The following SMO variants were observed in gnomAD, a reference collection of about 807,000 sequenced individuals.
SMO encodes smoothened, frizzled class receptor.
SMO carries 40 observed loss-of-function variants against 81.6 expected under a neutral mutation model. That is an observed-to-expected ratio of 0.49 (90% CI 0.38 to 0.64). The LOEUF is 0.64. SMO is among the 30% of genes least tolerant of loss of function. SMO has a pLI of 0.00. For missense variants in SMO, 916 were observed against 1,061.1 expected, an observed-to-expected ratio of 0.86 and a Z score of 1.90; for synonymous variants, 434 against 432.1, an observed-to-expected ratio of 1.00 and a Z score of -0.05.
chr7:129,193,955 C>T (rs1793527464), intron 1 of SMO, among the ~76,000 whole-genome samples: 1 of 148,026 alleles, frequency 6.8e-6, no homozygotes, highest in Non-Finnish European at 1.5e-5. Flanking sequence ...AAAAAATTAG[C>T]CGGGCATGTT....
chr7:129,197,816 T>C (rs1265551115), intron 1 of SMO, among the ~76,000 whole-genome samples: 1 of 152,180 alleles, frequency 6.6e-6, no homozygotes, highest in African/African-American at 2.4e-5. Context: ...GATTGAATTT[T>C]CTAATATTAA....
rs1024081060 is a variant in SMO at position 129,189,319 on chromosome 7, C to T, written c.168C>T (p.Gly56=). The change falls in exon 1 of 12, where the codon GGC becomes GGT. Residue 56 remains glycine, a synonymous_variant. Coordinates refer to ENST00000249373, the MANE Select transcript of SMO (RefSeq NM_005631.5). The surrounding 1 kb of genome is among the most constrained non-coding windows in gnomAD (Gnocchi z 4.7). Reference sequence around the variant, plus strand: ...CGAGGAGGAGCGCGGCGGTGACTGGCCCTCCGCCGCCGCTGAGCCACTGCG... The same window carrying T: ...CGAGGAGGAGCGCGGCGGTGACTGGTCCTCCGCCGCCGCTGAGCCACTGCG... ...GSARRSAAVT[G]PPPPLSHCGR... 4 of 1,499,846 alleles carry T rather than the reference C, an allele frequency of 2.7e-6. No individual in the cohort carries two copies. The highest frequency in any genetic ancestry group is 3.5e-6 in the Non-Finnish European group (4 of 1,132,048). The allele number at this position is 1,499,846 out of a possible 1,614,324, so 92.9% of individuals were successfully genotyped here.
chr7:129,206,320 C>G lies in SMO; in HGVS notation c.1091C>G (p.Thr364Ser), dbSNP rs2150650268. ...AAGACCTCCTACTTCCACCTGCTCA[C>G]CTGGTCACTCCCCTTTGTCCTCACT... ...SGKTSYFHLL[T>S]WSLPFVLTVA... is the part of the protein sequence containing the mutation. Residue 364 changes from threonine to serine, a missense_variant, in exon 5 of 12, where the codon ACC (threonine) becomes AGC (serine). Around this residue, in one of 4 missense-constraint regions of SMO, gnomAD observed 436 missense variants for 570.9 expected, o/e 0.76. Transcript: ENST00000249373. This position sits in a 1 kb window ranked among gnomAD's most constrained non-coding sequence, Gnocchi z 4.4. 6.2e-7 allele frequency: 1 copy of G among 1,614,224 alleles called. No homozygotes were observed. Among genetic ancestry groups the G allele is most frequent in the South Asian group, 1.1e-5 (1 of 91,086 alleles).
intron 6 of SMO, among the ~76,000 whole-genome samples, chr7:129,207,278 C>T (rs953134151): frequency 2.3e-4 from 35 of 152,176 alleles, no homozygotes; most frequent in African/African-American, 8.2e-4. Context: ...TATCTGTGTG[C>T]ACATTAATTC....
chr7:129,207,855 T>G (rs1363489104), intron 6 of SMO, among the ~76,000 whole-genome samples: 1 of 151,256 alleles, frequency 6.6e-6, no homozygotes, highest in African/African-American at 2.4e-5. Flanking sequence ...ATCTTGCCAC[T>G]GCACTCCAGC....
chr7:129,211,300 T>G lies in SMO; in HGVS notation c.1801+187T>G, dbSNP rs895492949. The G allele has an allele frequency of 4.0e-6, 3 of 753,244 alleles. No individual in the cohort carries two copies. The African/African-American group carries it at 5.2e-5, about 13-fold the overall frequency. The allele number at this position is 753,244 out of a possible 1,614,324, so 46.7% of individuals were successfully genotyped here. A position where few individuals can be genotyped will look rare whatever the true frequency, so the allele number is the denominator to read the frequency against. ...CTACCCTCTGGGGGGCTCTCCCCTCTCTGTTTCTGCCCCTGGGTCTGCTTG... is the reference window on the plus strand; with the variant it reads ...CTACCCTCTGGGGGGCTCTCCCCTCGCTGTTTCTGCCCCTGGGTCTGCTTG... On this transcript the variant is annotated intron_variant, in intron 10 of 11. Transcript: ENST00000249373. This position sits in a 1 kb window ranked among gnomAD's most constrained non-coding sequence, Gnocchi z 4.6.
At position 129,189,388 on chromosome 7, in the gene SMO, G is replaced by A. The variant is rs2150638286; in HGVS notation, c.237G>A (p.Leu79=). ...PCEPLRYNVC[L]GSVLPYGATS... The stretch of plus-strand genomic sequence containing the variant: ...AGCCGCTGCGCTACAACGTGTGCCT[G>A]GGCTCGGTGCTGCCCTACGGGGCCA... Residue 79 remains leucine (L), a synonymous_variant, in exon 1 of 12, where the codon CTG becomes CTA. Coordinates refer to ENST00000249373, the MANE Select transcript of SMO (RefSeq NM_005631.5). This position sits in a 1 kb window ranked among gnomAD's most constrained non-coding sequence, Gnocchi z 4.7. 1.3e-6 allele frequency: 2 copies of A among 1,536,110 alleles called. No homozygotes were observed. Among genetic ancestry groups the A allele is most frequent in the Non-Finnish European group, 1.7e-6 (2 of 1,146,236 alleles).
rs2150654489 is a variant in SMO at position 129,210,952 on chromosome 7, CT to C, written c.1653-11del. 1.3e-6 allele frequency: 2 copies of C among 1,596,958 alleles called. No individual in the cohort carries two copies. The highest frequency in any genetic ancestry group is 4.5e-5 in the East Asian group (2 of 44,712). ...GCTTCTTCACGCTCCTTCCCTATCC[CT>C]TCTGCTCTCAGGTTGACTGGGCAGA... On this transcript the variant is annotated splice_polypyrimidine_tract_variant and intron_variant, in intron 9 of 11. Transcript: ENST00000249373. This position sits in a 1 kb window ranked among gnomAD's most constrained non-coding sequence, Gnocchi z 4.7.
At position 129,206,815 on chromosome 7, in the gene SMO, C is replaced by T. The variant is rs528546216; in HGVS notation, c.1264+228C>T. Among the ~76,000 whole-genome samples, 1 of 147,114 alleles carries T rather than the reference C, an allele frequency of 6.8e-6. No individual in the cohort carries two copies. The highest frequency in any genetic ancestry group is 6.9e-5 in the Admixed American group (1 of 14,472). On this transcript the variant is annotated intron_variant, in intron 6 of 11. Coordinates refer to ENST00000249373, the MANE Select transcript of SMO (RefSeq NM_005631.5). This position sits in a 1 kb window ranked among gnomAD's most constrained non-coding sequence, Gnocchi z 4.4. The stretch of plus-strand genomic sequence containing the variant: ...GAAAAATCCATCCCTCTCTCCAGGG[C>T]CTTGGCCCAGGGCTCACAGCTTGTT...
chr7:129,198,496 G>A (rs1793618125), intron 1 of SMO, among the ~76,000 whole-genome samples: 1 of 152,164 alleles, frequency 6.6e-6, no homozygotes, highest in African/African-American at 2.4e-5. Context: ...ACTCAACTGA[G>A]TCCATGTAAC....
At position 129,208,660 on chromosome 7, in the gene SMO, T is replaced by C. The variant is rs182310926; in HGVS notation, c.1265-99T>C. 1 of 719,500 alleles carries C rather than the reference T, an allele frequency of 1.4e-6. No homozygotes were observed. Among genetic ancestry groups the C allele is most frequent in the Admixed American group, 2.1e-5 (1 of 48,308 alleles). 44.6% of individuals were successfully genotyped at this position (719,500 alleles called of 1,614,324 possible). A position where few individuals can be genotyped will look rare whatever the true frequency, so the allele number is the denominator to read the frequency against. On this transcript the variant is annotated intron_variant, in intron 6 of 11. Transcript: ENST00000249373. This position sits in a 1 kb window ranked among gnomAD's most constrained non-coding sequence, Gnocchi z 5.2. ...TCATTTAGCACAGGGGTAATCAGAC[T>C]TGGGACTCCAGAGCCTTAGGACCCT...
Position 129,212,996 on chromosome 7 carries a change from C to T in SMO, c.*545C>T. ...GTTTGTGGGGCTGGAAGGACCTGCT[C>T]CCACAGGGGCCATGTCCTCTCTTAA... On this transcript the variant is annotated 3_prime_UTR_variant, in exon 12 of 12. Coordinates refer to ENST00000249373, the MANE Select transcript of SMO (RefSeq NM_005631.5). This position sits in a 1 kb window ranked among gnomAD's most constrained non-coding sequence, Gnocchi z 5.0. 1 of 265,320 alleles carries T rather than the reference C, an allele frequency of 3.8e-6. No individual in the cohort carries two copies. Among genetic ancestry groups the T allele is most frequent in the Non-Finnish European group, 7.2e-6 (1 of 139,202 alleles). 16.4% of individuals were successfully genotyped at this position (265,320 alleles called of 1,614,324 possible). A position where few individuals can be genotyped will look rare whatever the true frequency, so the allele number is the denominator to read the frequency against.
At chr7:129,197,759 C>G (rs964972380) in intron 1 of SMO, among the ~76,000 whole-genome samples, 17 of 152,028 alleles carry the variant, frequency 1.1e-4, no homozygotes, top group Non-Finnish European at 2.4e-4. Flanking sequence ...TTGAGATGAT[C>G]ATATGATTTT....
rs769675703 is a variant in SMO at position 129,212,392 on chromosome 7, A to G, written c.2305A>G (p.Ile769Val). The stretch of plus-strand genomic sequence containing the variant: ...TGGCCGCCGACAGGGCCTGGGGCCT[A>G]TTCACTCCCGCACCAACCTGATGGA... ...AHGRRQGLGPIHSRTNLMDTE... is the reference protein window; with the variant it reads ...AHGRRQGLGPVHSRTNLMDTE... The change falls in exon 12 of 12, where the codon ATT becomes GTT. Residue 769 changes from isoleucine to valine, a missense_variant. Physicochemically the swap from Ile to Val is conservative, Grantham distance 29. Around this residue, in one of 4 missense-constraint regions of SMO, gnomAD observed 324 missense variants for 312.9 expected, o/e 1.04. Coordinates refer to ENST00000249373, the MANE Select transcript of SMO (RefSeq NM_005631.5). The surrounding 1 kb of genome is among the most constrained non-coding windows in gnomAD (Gnocchi z 5.0). 1.2e-6 allele frequency: 2 copies of G among 1,613,998 alleles called. No homozygotes were observed. Among genetic ancestry groups the G allele is most frequent in the Admixed American group, 1.7e-5 (1 of 60,018 alleles).
At position 129,206,700 on chromosome 7, in the gene SMO, C is replaced by A; in HGVS notation, c.1264+113C>A. Reference sequence around the variant, plus strand: ...CCCATGCTGAAACCCCAGCTAGCTCCTATAGGGCCTTCACACAGTAGAAGG... The same window carrying A: ...CCCATGCTGAAACCCCAGCTAGCTCATATAGGGCCTTCACACAGTAGAAGG... On this transcript the variant is annotated intron_variant, in intron 6 of 11. Coordinates refer to ENST00000249373, the MANE Select transcript of SMO (RefSeq NM_005631.5). This position sits in a 1 kb window ranked among gnomAD's most constrained non-coding sequence, Gnocchi z 4.4. 1.9e-6 allele frequency: 2 copies of A among 1,068,480 alleles called. No homozygotes were observed. Among genetic ancestry groups the A allele is most frequent in the Non-Finnish European group, 2.6e-6 (2 of 755,854 alleles). The allele number at this position is 1,068,480 out of a possible 1,614,324, so 66.2% of individuals were successfully genotyped here.
intron 1 of SMO, among the ~76,000 whole-genome samples, chr7:129,196,019 T>C (rs1255178769): frequency 2.7e-5 from 4 of 147,896 alleles, no homozygotes; most frequent in African/African-American, 1.0e-4. Context: ...GAAAATGGTG[T>C]GAACCCAGGA....
At chr7:129,196,796 T>A (rs904020338) in intron 1 of SMO, among the ~76,000 whole-genome samples, 2 of 151,960 alleles carry the variant, frequency 1.3e-5, no homozygotes, top group Non-Finnish European at 2.9e-5. Flanking sequence ...GGCAGGGGGA[T>A]CACGAGGTCA....
rs1426487095 is a variant in SMO at position 129,212,157 on chromosome 7, GCTT to G, written c.2072_2074del (p.Leu691del). ...TGTGCCCGCTGGCGCCGCCCCCTGA[GCTT>G]CACCCCCCTGCCCCTGCCCCCAGTA... On this transcript the variant is annotated inframe_deletion, in exon 12 of 12. Coordinates refer to ENST00000249373, the MANE Select transcript of SMO (RefSeq NM_005631.5). This position sits in a 1 kb window ranked among gnomAD's most constrained non-coding sequence, Gnocchi z 5.0. 6.4e-7 allele frequency: 1 copy of G among 1,556,228 alleles called. No individual in the cohort carries two copies. The highest frequency in any genetic ancestry group is 1.4e-5 in the African/African-American group (1 of 73,262).
At chr7:129,195,990 A>G (rs1793571092) in intron 1 of SMO, among the ~76,000 whole-genome samples, 1 of 151,256 alleles carries the variant, frequency 6.6e-6, no homozygotes, top group Non-Finnish European at 1.5e-5. Flanking sequence ...AGTCCCAGCT[A>G]CTCGGGAGGC....
Sources: allele counts gnomAD v4.1 joint callset (sites outside exome capture counted in the v4.1 genomes callset), GRCh38; gene constraint gnomAD v4.1.1; regional missense constraint gnomAD v4.1.1; non-coding constraint Gnocchi (gnomAD v3.1); transcripts MANE v1.5; gene names NCBI Gene and HGNC (gene_info 2026-07-23, HGNC 2026-07-21).